Variants in STON1 observed in about 807,000 individuals in gnomAD.
STON1 encodes the protein stonin-1.
In STON1, 79 loss-of-function variants were observed where a neutral mutation model predicts 60.9. That is an observed-to-expected ratio of 1.30 (90% CI 1.08 to 1.56). The LOEUF is 1.56. Among genes scored for constraint, STON1 ranks in the 40% most tolerant of loss-of-function variants. STON1 has a pLI of 0.00. For synonymous variants in STON1, 363 were observed against 306.9 expected, an observed-to-expected ratio of 1.18 and a Z score of -1.91; for missense variants, 1,166 against 858.9, an observed-to-expected ratio of 1.36 and a Z score of -4.47.
At chr2:48,531,203 A>G (rs1420805153) in intron 1 of STON1, 1 of 152,128 alleles carries the variant, frequency 6.6e-6, no homozygotes, top group East Asian at 1.9e-4. Context: ...AGAAGTTTTA[A>G]TTTGCCTGAC....
intron 1 of STON1, among the ~76,000 whole-genome samples, chr2:48,554,047 G>A (rs1350880857): frequency 1.3e-5 from 2 of 152,118 alleles, no homozygotes; most frequent in African/African-American, 2.4e-5. Context: ...CAGAACCCTG[G>A]GTGGTGTCCA....
chr2:48,542,586 C>T lies in STON1; in HGVS notation c.-48+12370C>T, dbSNP rs1336959466. Among the ~76,000 whole-genome samples, 3 of 152,150 alleles carry T rather than the reference C, an allele frequency of 2.0e-5. No individual in the cohort carries two copies. The South Asian group carries it at 6.2e-4, about 32-fold the overall frequency. Reference sequence around the variant, plus strand: ...TTATCTCCACTCTCCTATTCTTATTCTTTCAAAGTAGAATTGTGCTTCAGG... The same window carrying T: ...TTATCTCCACTCTCCTATTCTTATTTTTTCAAAGTAGAATTGTGCTTCAGG... On this transcript the variant is annotated intron_variant, in intron 1 of 3. Coordinates refer to ENST00000404752, the MANE Select transcript of STON1 (RefSeq NM_006873.4).
At chr2:48,557,069 G>A (rs1357116137) in intron 1 of STON1, among the ~76,000 whole-genome samples, 1 of 105,178 alleles carries the variant, frequency 9.5e-6, no homozygotes, top group African/African-American at 3.5e-5. Flanking sequence ...CCGGGCGGGG[G>A]GCTGACCCCC....
At chr2:48,579,104 A>G (rs1187078261) in intron 1 of STON1, among the ~76,000 whole-genome samples, 3 of 151,426 alleles carry the variant, frequency 2.0e-5, no homozygotes, top group African/African-American at 7.3e-5. Flanking sequence ...CCCGGGCTCA[A>G]GCGATTTTCC....
Position 48,560,484 on chromosome 2 carries a change from G to A in STON1, c.-47-20103G>A, listed in dbSNP as rs532676862. Among the ~76,000 whole-genome samples, 6 of 152,336 alleles carry A rather than the reference G, an allele frequency of 3.9e-5. No individual in the cohort carries two copies. The South Asian group carries it at 8.3e-4, about 21-fold the overall frequency. On this transcript the variant is annotated intron_variant, in intron 1 of 3. Coordinates refer to ENST00000404752, the MANE Select transcript of STON1 (RefSeq NM_006873.4). ...AAGAGCCCACAGAACACAGATGCCA[G>A]CAGGCAGCCCTGAAAGCAGGCCTTG...
At chr2:48,557,064 C>CA (rs1239800433) in intron 1 of STON1, among the ~76,000 whole-genome samples, 1 of 90,188 alleles carries the variant, frequency 1.1e-5, no homozygotes. Flanking sequence ...GCTGGCCGGG[C>CA]GGGGGGCTGA....
At chr2:48,568,509 G>T (rs1161992951) in intron 1 of STON1, among the ~76,000 whole-genome samples, 1 of 152,188 alleles carries the variant, frequency 6.6e-6, no homozygotes, top group African/African-American at 2.4e-5. Flanking sequence ...GGATGATGGT[G>T]TGGGAGGGAT....
intron 1 of STON1, among the ~76,000 whole-genome samples, chr2:48,570,029 C>T (rs7559073): frequency 0.013 from 2,044 of 152,270 alleles, 54 homozygotes; most frequent in African/African-American, 0.046. Flanking sequence ...TGATAATCTC[C>T]GTAATACTCT....
intron 1 of STON1, among the ~76,000 whole-genome samples, chr2:48,547,417 C>T (rs564935800): frequency 7.9e-5 from 12 of 152,274 alleles, no homozygotes; most frequent in East Asian, 3.9e-4. Flanking sequence ...GACCAGAGTT[C>T]GCCTAAAGTG....
intron 1 of STON1, among the ~76,000 whole-genome samples, chr2:48,534,674 T>A (rs1477706050): frequency 6.6e-6 from 1 of 151,996 alleles, no homozygotes; most frequent in Non-Finnish European, 1.5e-5. Context: ...TCCCAAGTAC[T>A]CAGGAGGCTG....
intron 2 of STON1, 122 bp from the exon 3 acceptor site, chr2:48,591,531 T>G (rs1674511698): frequency 2.2e-6 from 3 of 1,341,738 alleles, no homozygotes; most frequent in African/African-American, 2.9e-5. Flanking sequence ...TAAATGGAAT[T>G]TGCACTGCTG....
chr2:48,542,315 C>A (rs1244226039), intron 1 of STON1, among the ~76,000 whole-genome samples: 2 of 152,176 alleles, frequency 1.3e-5, no homozygotes, highest in African/African-American at 4.8e-5. Flanking sequence ...CTATCAGTGA[C>A]AATGGGAAAG....
In STON1 at chr2:48,580,829, A is replaced by C. The variant is rs150184548; in HGVS notation, c.196A>C (p.Ile66Leu). The C allele has an allele frequency of 1.3e-6, 2 of 1,547,592 alleles. No individual in the cohort carries two copies. Among genetic ancestry groups the C allele is most frequent in the East Asian group, 4.6e-5 (2 of 43,482 alleles). The change falls in exon 2 of 4, where the codon ATT becomes CTT. Residue 66 changes from isoleucine (I) to leucine (L), a missense_variant. Transcript: ENST00000404752. ...CAGCAGCACTCCTCTCTCCTCCCCC[A>C]TTGTAGATTTTTATTTCAGTCCAGG... ...STSSTPLSSPIVDFYFSPGPP... is the reference protein window; with the variant it reads ...STSSTPLSSPLVDFYFSPGPP...
chr2:48,565,050 T>C (rs1458077235), intron 1 of STON1, among the ~76,000 whole-genome samples: 18 of 139,494 alleles, frequency 1.3e-4, no homozygotes, highest in South Asian at 4.7e-4. Flanking sequence ...TTCTTCTTTT[T>C]TTTTTTTTTT....
At position 48,580,681 on chromosome 2, in the gene STON1, T is replaced by C. The variant is rs765645063; in HGVS notation, c.48T>C (p.Pro16=). The change falls in exon 2 of 4, where the codon CCT becomes CCC. Residue 16 remains proline (P), a synonymous_variant. Transcript: ENST00000404752. ...PGKWVTFDDD[P]AVQSSQKSKN... is the part of the protein sequence containing the mutation. ...AATGGGTCACCTTTGATGATGATCCTGCTGTTCAATCTTCTCAAAAGTCAA... is the reference window on the plus strand; with the variant it reads ...AATGGGTCACCTTTGATGATGATCCCGCTGTTCAATCTTCTCAAAAGTCAA... 4 of 1,435,292 alleles carry C rather than the reference T, an allele frequency of 2.8e-6. No individual in the cohort carries two copies. The highest frequency in any genetic ancestry group is 2.9e-5 in the African/African-American group (2 of 68,770). The allele number at this position is 1,435,292 out of a possible 1,614,324, so 88.9% of individuals were successfully genotyped here.
intron 1 of STON1, among the ~76,000 whole-genome samples, chr2:48,533,374 C>T (rs966662952): frequency 6.6e-6 from 1 of 151,208 alleles, no homozygotes; most frequent in Admixed American, 6.6e-5. Flanking sequence ...AGCGAGACTC[C>T]GTCTCAGAAA....
At chr2:48,588,079 A>G (rs1020817228) in intron 2 of STON1, among the ~76,000 whole-genome samples, 5 of 152,218 alleles carry the variant, frequency 3.3e-5, no homozygotes, top group African/African-American at 1.2e-4. Context: ...GTCCTAAGGC[A>G]GTGCTTCTCA....
intron 1 of STON1, among the ~76,000 whole-genome samples, chr2:48,550,878 A>G (rs1672074007): frequency 6.6e-6 from 1 of 152,052 alleles, no homozygotes; most frequent in South Asian, 2.1e-4. Context: ...ACCTAAACAC[A>G]TAACTGAAAT....
At chr2:48,560,916 G>A (rs1158745540) in intron 1 of STON1, among the ~76,000 whole-genome samples, 2 of 152,184 alleles carry the variant, frequency 1.3e-5, no homozygotes, top group East Asian at 3.9e-4. Flanking sequence ...GTCTCCCCTT[G>A]TCTCTGCTCT....
Sources: gnomAD v4.1 joint callset for allele counts (sites outside exome capture counted in the v4.1 genomes callset) on GRCh38, gnomAD v4.1.1 for gene constraint, MANE v1.5 for transcripts, NCBI Gene and HGNC (gene_info 2026-07-23, HGNC 2026-07-21) for gene names.